The following SELENOI variants were observed in gnomAD, a reference collection of about 807,000 sequenced individuals.
SELENOI encodes selenoprotein I.
A neutral mutation model predicts 50.7 loss-of-function variants in SELENOI; 24 were observed. That is an observed-to-expected ratio of 0.47 (90% CI 0.34 to 0.67). SELENOI has a LOEUF of 0.67. Among genes scored for constraint, SELENOI ranks in the 30% least tolerant of loss-of-function variants. The probability of loss-of-function intolerance (pLI) is 0.01; values close to 1 mark genes in which losing one functional copy is unlikely to be tolerated. For missense variants in SELENOI, 352 were observed against 461.4 expected (o/e 0.76, Z 2.17); for synonymous variants, 155 against 170.2 (o/e 0.91, Z 0.70).
At chr2:26,387,472 C>A (rs1199542567) in intron 9 of SELENOI, among the ~76,000 whole-genome samples, 1 of 151,848 alleles carries the variant, frequency 6.6e-6, no homozygotes, top group Non-Finnish European at 1.5e-5. Context: ...GGGTGGATCG[C>A]TTTAGCTCAG....
At chr2:26,357,843 T>C (rs1364016085) in intron 1 of SELENOI, among the ~76,000 whole-genome samples, 1 of 151,940 alleles carries the variant, frequency 6.6e-6, no homozygotes, top group East Asian at 1.9e-4. Context: ...TCACCTTGAA[T>C]TGTAGCTCCC....
chr2:26,383,883 A>AC, intron 7 of SELENOI, among the ~76,000 whole-genome samples: 1 of 152,272 alleles, frequency 6.6e-6, no homozygotes, highest in East Asian at 1.9e-4. Context: ...CAAAAAAAAA[A>AC]AATTTTAGCA....
chr2:26,373,248 A>G, intron 4 of SELENOI, 119 bp from the exon 5 acceptor site: 2 of 1,206,482 alleles, frequency 1.7e-6, no homozygotes, highest in Admixed American at 2.7e-5. Flanking sequence ...GCTGATAGCT[A>G]TACTTAACAT....
intron 1 of SELENOI, among the ~76,000 whole-genome samples, chr2:26,349,437 G>C (rs1676903890): frequency 6.6e-6 from 1 of 151,800 alleles, no homozygotes; most frequent in Admixed American, 6.6e-5. Flanking sequence ...CTCCTGAGTA[G>C]CTGGGATTAC....
chr2:26,357,708 T>C (rs571946694), intron 1 of SELENOI, among the ~76,000 whole-genome samples: 2 of 152,210 alleles, frequency 1.3e-5, no homozygotes, highest in Non-Finnish European at 2.9e-5. Context: ...TCTTACATAA[T>C]ACTCGGATAA....
intron 4 of SELENOI, among the ~76,000 whole-genome samples, chr2:26,370,226 A>G (rs1677385970): frequency 6.6e-6 from 1 of 152,032 alleles, no homozygotes; most frequent in African/African-American, 2.4e-5. Flanking sequence ...TTCTAAGTAC[A>G]GAACAAAATG....
At chr2:26,350,338 A>G (rs1676930691) in intron 1 of SELENOI, among the ~76,000 whole-genome samples, 1 of 152,048 alleles carries the variant, frequency 6.6e-6, no homozygotes. Context: ...AGTTCCTGAA[A>G]ATTTCATAAA....
intron 1 of SELENOI, among the ~76,000 whole-genome samples, chr2:26,351,082 G>A (rs150770817): frequency 3.8e-4 from 51 of 135,206 alleles, no homozygotes; most frequent in African/African-American, 1.3e-3. Flanking sequence ...TTTTTGAGAC[G>A]GAGTCTCGTT....
Position 26,346,450 on chromosome 2 carries a change from G to A in SELENOI, c.57+161G>A. On this transcript the variant is annotated intron_variant, in intron 1 of 9. Coordinates refer to ENST00000260585, the MANE Select transcript of SELENOI (RefSeq NM_033505.4). ...TGCGGGTCCTGGGGATTGGGGGTCG[G>A]GGAGCGTGGGAGCATCCTAAGCCCG... The A allele has an allele frequency of 2.4e-6, 2 of 832,926 alleles. 1 individual carries two copies. Among genetic ancestry groups the A allele is most frequent in the South Asian group, 4.0e-5 (2 of 50,290 alleles). 51.6% of individuals were successfully genotyped at this position (832,926 alleles called of 1,614,324 possible).
chr2:26,368,972 G>C (rs1409527543), intron 4 of SELENOI, among the ~76,000 whole-genome samples: 1 of 152,180 alleles, frequency 6.6e-6, no homozygotes, highest in Non-Finnish European at 1.5e-5. Context: ...GCCACAGACT[G>C]ATCTAGGCAC....
rs573979547 is a variant in SELENOI at position 26,389,777 on chromosome 2, C to T, written c.*674C>T. ...GAATTTGAGAATGGGTTGTAATTAT[C>T]GCTCACCCATTGGGATGGTTCATTG... On this transcript the variant is annotated 3_prime_UTR_variant, in exon 10 of 10. Transcript: ENST00000260585. 3.3e-5 allele frequency: 5 copies of T among 152,406 alleles called. No individual in the cohort carries two copies. The East Asian group carries it at 7.7e-4, about 24-fold the overall frequency. The allele number at this position is 152,406 out of a possible 1,614,324, so 9.4% of individuals were successfully genotyped here.
At chr2:26,384,887 T>C in intron 7 of SELENOI, 72 bp from the exon 8 acceptor site, 1 of 1,075,042 alleles carries the variant, frequency 9.3e-7, no homozygotes, top group South Asian at 2.1e-5. Context: ...AAGGAAACTA[T>C]AAACTACAGT....
intron 1 of SELENOI, among the ~76,000 whole-genome samples, chr2:26,352,698 C>T (rs1012037167): frequency 2.6e-5 from 4 of 151,994 alleles, no homozygotes; most frequent in East Asian, 3.9e-4. Flanking sequence ...GCAGGAGAAT[C>T]GCTTGAATCT....
intron 1 of SELENOI, 69 bp downstream of exon 1, chr2:26,346,358 G>A (rs1036730760): frequency 1.5e-5 from 23 of 1,512,844 alleles, no homozygotes; most frequent in Non-Finnish European, 1.8e-6. Context: ...GGGCCCGCGC[G>A]GCGCGGTCCG....
chr2:26,383,175 T>G (rs988319723), intron 6 of SELENOI, 124 bp from the exon 7 acceptor site: 9 of 568,766 alleles, frequency 1.6e-5, no homozygotes, highest in Admixed American at 7.2e-5. Context: ...TATTTAATTT[T>G]ATTACACAAG....
At chr2:26,347,719 A>G (rs4665852) in intron 1 of SELENOI, among the ~76,000 whole-genome samples, 14,120 of 152,198 alleles carry the variant, frequency 0.093, 1,756 homozygotes, top group East Asian at 0.61. Flanking sequence ...CTTCCTTACT[A>G]GGGTCTGACT....
intron 1 of SELENOI, 199 bp downstream of exon 1, chr2:26,346,488 G>C (rs542438494): frequency 1.8e-6 from 1 of 550,534 alleles, no homozygotes; most frequent in Non-Finnish European, 3.1e-6. Context: ...GCCCGTAGTC[G>C]GCACCCCCCG....
At position 26,391,607 on chromosome 2, in the gene SELENOI, T is replaced by C. The variant is rs1036702213; in HGVS notation, c.*2504T>C. On this transcript the variant is annotated 3_prime_UTR_variant, in exon 10 of 10. Coordinates refer to ENST00000260585, the MANE Select transcript of SELENOI (RefSeq NM_033505.4). ...TGATAAGGAGCATACGTGCATGTTT[T>C]CCGTACTTTCAGAATAGAGTGCCTT... is the stretch of plus-strand genomic sequence containing the variant. 1 of 152,212 alleles carries C rather than the reference T, an allele frequency of 6.6e-6. No individual in the cohort carries two copies. The highest frequency in any genetic ancestry group is 2.4e-5 in the African/African-American group (1 of 41,444). The allele number at this position is 152,212 out of a possible 1,614,324, so 9.4% of individuals were successfully genotyped here.
In SELENOI at chr2:26,373,415, T is replaced by C; in HGVS notation, c.359T>C (p.Leu120Ser). The change falls in exon 5 of 10, where the codon TTA becomes TCA. Residue 120 changes from leucine to serine, a missense_variant. Coordinates refer to ENST00000260585, the MANE Select transcript of SELENOI (RefSeq NM_033505.4). The stretch of plus-strand genomic sequence containing the variant: ...CGCAGAACCAATTCTAGCACTCCCT[T>C]AGGGGAGCTTTTTGATCATGGCCTG... ...QARRTNSSTP[L>S]GELFDHGLDS... 6.2e-7 allele frequency: 1 copy of C among 1,613,006 alleles called. No homozygotes were observed.
Sources: gnomAD v4.1 joint callset for allele counts (sites outside exome capture counted in the v4.1 genomes callset) on GRCh38, gnomAD v4.1.1 for gene constraint, MANE v1.5 for transcripts, NCBI Gene and HGNC (gene_info 2026-07-23, HGNC 2026-07-21) for gene names.